The following NPSR1 variants were observed in gnomAD, a reference collection of about 807,000 sequenced individuals.
NPSR1 encodes the protein neuropeptide S receptor.
In NPSR1, 48 loss-of-function variants were observed where a neutral mutation model predicts 46.9. That is an observed-to-expected ratio of 1.02 (90% confidence interval 0.81 to 1.30). The LOEUF (loss-of-function observed/expected upper bound fraction) is 1.30. NPSR1 is among the 50% of genes most tolerant of loss of function. The pLI, the probability that NPSR1 is intolerant of heterozygous loss-of-function variation, is 0.00. For missense variants in NPSR1, 450 were observed against 449.5 expected (o/e 1.00, Z -0.01); for synonymous variants, 176 against 168.1 (o/e 1.05, Z -0.36).
rs1791297743 is a variant in NPSR1, at chr7:34,658,575, G to A, written c.147+16G>A. 6.2e-7 allele frequency: 1 copy of A among 1,611,966 alleles called. No individual in the cohort carries two copies. Among genetic ancestry groups the A allele is most frequent in the Non-Finnish European group, 8.5e-7 (1 of 1,178,358 alleles). On this transcript the variant is annotated intron_variant, in intron 1 of 8. Transcript: ENST00000360581. ...CTCCTTTAAGGTAAGTTTCTTGCCT[G>A]CGACTCTGAACACTGACTTATAACA...
In NPSR1 at chr7:34,724,421, G is replaced by A. The variant is rs180740474; in HGVS notation, c.280+39737G>A. ...ACATCTGTTCTCTCCTCCCAGGATC[G>A]GAAAGGTTTCTTCCTTCTGATAAAG... On this transcript the variant is annotated intron_variant, in intron 2 of 8. Transcript: ENST00000360581. 1.8e-3 allele frequency among the ~76,000 whole-genome samples: 270 copies of A among 152,276 alleles called. 1 individual carries two copies. Among genetic ancestry groups the A allele is most frequent in the African/African-American group, 6.0e-3 (251 of 41,574 alleles).
intron 1 of NPSR1, among the ~76,000 whole-genome samples, chr7:34,680,789 G>C (rs1792589821): frequency 6.6e-6 from 1 of 152,094 alleles, no homozygotes. Context: ...ACTCTATAAA[G>C]CTGGAAAACA....
At chr7:34,674,271 G>A (rs1792202323) in intron 1 of NPSR1, among the ~76,000 whole-genome samples, 1 of 152,158 alleles carries the variant, frequency 6.6e-6, no homozygotes, top group Admixed American at 6.5e-5. Context: ...TCCTCACATT[G>A]TGTCTCATTC....
intron 2 of NPSR1, among the ~76,000 whole-genome samples, chr7:34,687,322 T>C (rs1378970505): frequency 6.6e-6 from 1 of 152,226 alleles, no homozygotes; most frequent in Non-Finnish European, 1.5e-5. Context: ...TATACAGTGA[T>C]AACTCAATAG....
At chr7:34,668,674 A>T (rs1461928810) in intron 1 of NPSR1, among the ~76,000 whole-genome samples, 1 of 152,214 alleles carries the variant, frequency 6.6e-6, no homozygotes, top group South Asian at 2.1e-4. Context: ...GACTCCGTGT[A>T]TTGTAATCTC....
At chr7:34,792,803 G>C (rs1004635711) in intron 3 of NPSR1, among the ~76,000 whole-genome samples, 11 of 145,322 alleles carry the variant, frequency 7.6e-5, no homozygotes, top group Admixed American at 3.6e-4. Flanking sequence ...AGGATTGCTT[G>C]AACCCGGGGT....
chr7:34,678,714 T>A (rs1792456981), intron 1 of NPSR1, among the ~76,000 whole-genome samples: 1 of 151,792 alleles, frequency 6.6e-6, no homozygotes, highest in South Asian at 2.1e-4. Context: ...CAGTCCCATC[T>A]ACTCGGGAGG....
chr7:34,730,188 G>C (rs553754278), intron 2 of NPSR1, among the ~76,000 whole-genome samples: 1 of 152,276 alleles, frequency 6.6e-6, no homozygotes, highest in South Asian at 2.1e-4. Flanking sequence ...CCTGGTAAGG[G>C]AACAGAATTA....
At chr7:34,862,595 T>C (rs1791214993) in intron 8 of NPSR1, among the ~76,000 whole-genome samples, 1 of 151,812 alleles carries the variant, frequency 6.6e-6, no homozygotes, top group South Asian at 2.1e-4. Context: ...ACAGCTTCTC[T>C]GTAGATACTT....
rs562400592 is a variant in NPSR1, at chr7:34,743,523, C to G, written c.281-34939C>G. Among the ~76,000 whole-genome samples, 9 of 151,996 alleles carry G rather than the reference C, an allele frequency of 5.9e-5. 1 individual carries two copies. The South Asian group carries it at 1.2e-3, about 21-fold the overall frequency. ...TGGCATGATCTTGGCGCACTGCAAC[C>G]TCCGCCTCCTGGGTTCAAGCAATTC... On this transcript the variant is annotated intron_variant, in intron 2 of 8. Coordinates refer to ENST00000360581, the MANE Select transcript of NPSR1 (RefSeq NM_207172.2).
chr7:34,811,719 C>A, intron 3 of NPSR1, 51 bp from the exon 4 acceptor site: 2 of 1,273,094 alleles, frequency 1.6e-6, no homozygotes, highest in South Asian at 1.3e-5. Flanking sequence ...CCATTATGTG[C>A]CTTCCCTCAC....
intron 3 of NPSR1, among the ~76,000 whole-genome samples, chr7:34,797,428 C>A (rs1788223972): frequency 1.3e-5 from 2 of 152,018 alleles, no homozygotes; most frequent in African/African-American, 4.8e-5. Context: ...GTATGGGGGA[C>A]AGGGGGTTTA....
At chr7:34,851,781 T>A (rs181608978), downstream of NPSR1, among the ~76,000 whole-genome samples, 243 of 152,076 alleles carry the variant, frequency 1.6e-3, 2 homozygotes, top group Non-Finnish European at 1.3e-3. Flanking sequence ...GAGAGTGGAG[T>A]GAGGGGCGTT....
At chr7:34,876,165 A>G (rs537472312) in intron 8 of NPSR1, among the ~76,000 whole-genome samples, 2 of 152,238 alleles carry the variant, frequency 1.3e-5, no homozygotes, top group East Asian at 3.9e-4. Context: ...AGAATTTGTA[A>G]ATGTTGTACT....
At chr7:34,710,634 T>C in intron 2 of NPSR1, 1 of 173,412 alleles carries the variant, frequency 5.8e-6, no homozygotes, top group South Asian at 1.3e-4. Flanking sequence ...CAGGCTTCCT[T>C]GGCTAGAGAA....
At chr7:34,861,197 G>A (rs1032524866) in intron 8 of NPSR1, among the ~76,000 whole-genome samples, 2 of 151,944 alleles carry the variant, frequency 1.3e-5, no homozygotes, top group African/African-American at 4.9e-5. Context: ...GAAGAGAATA[G>A]TCAAGATTCA....
At chr7:34,845,353 C>T (rs1185780670) in intron 7 of NPSR1, among the ~76,000 whole-genome samples, 1 of 152,176 alleles carries the variant, frequency 6.6e-6, no homozygotes, top group African/African-American at 2.4e-5. Flanking sequence ...AGTGACTTTC[C>T]ACCTTATCTG....
chr7:34,720,301 C>T (rs1245361003), intron 2 of NPSR1, among the ~76,000 whole-genome samples: 2 of 150,074 alleles, frequency 1.3e-5, no homozygotes, highest in African/African-American at 4.9e-5. Context: ...GGGAGCCAGA[C>T]AAAGGCAAGG....
At chr7:34,869,063 C>T (rs1791389738) in intron 8 of NPSR1, among the ~76,000 whole-genome samples, 1 of 151,682 alleles carries the variant, frequency 6.6e-6, no homozygotes, top group Admixed American at 6.6e-5. Context: ...ATGTTGCATG[C>T]ACCACTCTAT....
Sources: gnomAD v4.1 joint callset for allele counts (sites outside exome capture counted in the v4.1 genomes callset) on GRCh38, gnomAD v4.1.1 for gene constraint, MANE v1.5 for transcripts, NCBI Gene and HGNC (gene_info 2026-07-23, HGNC 2026-07-21) for gene names.